SLC4A10: variants seen among roughly 807,000 people sequenced by gnomAD.
SLC4A10 encodes the protein solute carrier family 4 member 10, also known as sodium-driven chloride bicarbonate exchanger.
A neutral mutation model predicts 137.7 loss-of-function variants in SLC4A10; 42 were observed. The ratio of observed to expected loss-of-function variants is 0.30; its 90% CI spans 0.24 to 0.39. The LOEUF is 0.39. Among genes scored for constraint, SLC4A10 ranks in the 10% least tolerant of loss-of-function variants. SLC4A10 has a pLI of 1.00. For missense variants in SLC4A10, 925 were observed against 1,355.0 expected (o/e 0.68, Z 4.98); for synonymous variants, 474 against 464.1 (o/e 1.02, Z -0.27).
At chr2:161,909,559 TG>T (rs1388196252) in intron 15 of SLC4A10, among the ~76,000 whole-genome samples, 1 of 152,104 alleles carries the variant, frequency 6.6e-6, no homozygotes, top group Non-Finnish European at 1.5e-5. Flanking sequence ...TCATGGGAAA[TG>T]GGGTCTGACT....
At position 161,879,328 on chromosome 2, in the gene SLC4A10, C is replaced by T. The variant is rs763165211; in HGVS notation, c.1106+40C>T. On this transcript the variant is annotated intron_variant, in intron 9 of 26. Coordinates refer to ENST00000446997, the MANE Select transcript of SLC4A10 (RefSeq NM_001178015.2). ...AGCGTCTTTTGTATTTTTCTTAAAC[C>T]ATCTTTTCATGGAAAGAAAATGAGG... 12 of 1,523,896 alleles carry T rather than the reference C, an allele frequency of 7.9e-6. No homozygotes were observed. The South Asian group carries it at 1.5e-4, about 20-fold the overall frequency. 94.4% of individuals were successfully genotyped at this position (1,523,896 alleles called of 1,614,324 possible).
intron 1 of SLC4A10, chr2:161,710,478 T>A (rs1036582863): frequency 4.5e-6 from 1 of 223,884 alleles, no homozygotes; most frequent in Non-Finnish European, 9.2e-6. Context: ...TGGAAAAAAA[T>A]TACTATTTTA....
chr2:161,949,224 T>C lies in SLC4A10; in HGVS notation c.2342T>C (p.Ile781Thr). 1 of 1,611,560 alleles carries C rather than the reference T, an allele frequency of 6.2e-7. No individual in the cohort carries two copies. The highest frequency in any genetic ancestry group is 1.1e-5 in the South Asian group (1 of 90,922). Reference protein sequence around the residue: ...CMVLIDYAIGIPSPKLQVPSV... With the variant: ...CMVLIDYAIGTPSPKLQVPSV... ...GTTTTAATTGACTATGCCATTGGGA[T>C]CCCATCTCCAAAACTACAAGTACCA... Residue 781 changes from isoleucine to threonine, a missense_variant, in exon 18 of 27, where the codon ATC (isoleucine) becomes ACC (threonine). By Grantham distance (89) the Ile-to-Thr change is moderately conservative. This residue lies in a region of SLC4A10 where 82 missense variants were observed against 151.4 expected (regional missense o/e 0.54). Coordinates refer to ENST00000446997, the MANE Select transcript of SLC4A10 (RefSeq NM_001178015.2).
At chr2:161,649,025 G>A (rs773485811) in intron 1 of SLC4A10, among the ~76,000 whole-genome samples, 1 of 151,958 alleles carries the variant, frequency 6.6e-6, no homozygotes, top group Non-Finnish European at 1.5e-5. Context: ...CAATTTTTAT[G>A]CAGTTTTTGA....
Position 161,947,556 on chromosome 2 carries a change from C to T in SLC4A10, c.2104-10C>T, listed in dbSNP as rs966751477. The T allele has an allele frequency of 6.2e-7, 1 of 1,606,570 alleles. No individual in the cohort carries two copies. Among genetic ancestry groups the T allele is most frequent in the African/African-American group, 1.3e-5 (1 of 74,528 alleles). ...CTTAGTAGCTCCATTTGTTTTACTT[C>T]CTCTGGCAGGAATGCAAATCATTGC... On this transcript the variant is annotated splice_polypyrimidine_tract_variant and intron_variant, in intron 16 of 26. Coordinates refer to ENST00000446997, the MANE Select transcript of SLC4A10 (RefSeq NM_001178015.2).
At chr2:161,655,959 G>A (rs557079509) in intron 1 of SLC4A10, among the ~76,000 whole-genome samples, 40 of 151,606 alleles carry the variant, frequency 2.6e-4, no homozygotes, top group South Asian at 1.0e-3. Context: ...GATTACAGGC[G>A]TGTGCTACCA....
At chr2:161,811,328 C>T (rs1374269259) in intron 3 of SLC4A10, among the ~76,000 whole-genome samples, 10 of 151,872 alleles carry the variant, frequency 6.6e-5, no homozygotes. Context: ...TTTCATTTAT[C>T]TTTGTATGGA....
At chr2:161,639,436 G>A (rs2034961741) in intron 1 of SLC4A10, among the ~76,000 whole-genome samples, 1 of 151,936 alleles carries the variant, frequency 6.6e-6, no homozygotes, top group Non-Finnish European at 1.5e-5. Flanking sequence ...CAATCAAGTG[G>A]GATTTATTTC....
chr2:161,725,331 T>A (rs1011650275), intron 1 of SLC4A10, among the ~76,000 whole-genome samples: 1 of 152,204 alleles, frequency 6.6e-6, no homozygotes, highest in Non-Finnish European at 1.5e-5. Flanking sequence ...CCTCTTTAAG[T>A]CTCAGAATAC....
chr2:161,653,347 TC>T (rs1401399040), intron 1 of SLC4A10, among the ~76,000 whole-genome samples: 8 of 152,216 alleles, frequency 5.3e-5, no homozygotes, highest in African/African-American at 1.9e-4. Context: ...TGATTTATAA[TC>T]CTTTGGGTAT....
intron 1 of SLC4A10, among the ~76,000 whole-genome samples, chr2:161,638,850 T>C (rs1014281373): frequency 7.6e-6 from 1 of 132,046 alleles, no homozygotes; most frequent in African/African-American, 2.8e-5. Context: ...GTTAAATTTA[T>C]TTATAGGTAT....
intron 15 of SLC4A10, among the ~76,000 whole-genome samples, chr2:161,909,896 C>A (rs1685420257): frequency 6.6e-6 from 1 of 152,134 alleles, no homozygotes; most frequent in South Asian, 2.1e-4. Flanking sequence ...TTACTGTGAC[C>A]TTTTCACACT....
chr2:161,693,239 G>A (rs539888409), intron 1 of SLC4A10, among the ~76,000 whole-genome samples: 22 of 152,038 alleles, frequency 1.4e-4, no homozygotes, highest in African/African-American at 5.1e-4. Context: ...ATACAGTTTG[G>A]GTAAACCCTG....
chr2:161,682,493 G>A (rs1485457152), intron 1 of SLC4A10, among the ~76,000 whole-genome samples: 1 of 152,118 alleles, frequency 6.6e-6, no homozygotes, highest in Non-Finnish European at 1.5e-5. Flanking sequence ...AATTGTGATG[G>A]TGACATATAA....
intron 2 of SLC4A10, among the ~76,000 whole-genome samples, chr2:161,802,029 C>T (rs2055423600): frequency 6.6e-6 from 1 of 151,928 alleles, no homozygotes; most frequent in African/African-American, 2.4e-5. Flanking sequence ...ATTCACTTCC[C>T]TTTATTTCCT....
chr2:161,742,476 C>T (rs1316025787), intron 1 of SLC4A10, among the ~76,000 whole-genome samples: 2 of 133,468 alleles, frequency 1.5e-5, no homozygotes, highest in African/African-American at 3.0e-5. Flanking sequence ...GAGTCTCGCA[C>T]TGTCGCCCAG....
At chr2:161,667,765 T>C (rs10930030) in intron 1 of SLC4A10, among the ~76,000 whole-genome samples, 132,111 of 151,608 alleles carry the variant, frequency 0.87, 58,175 homozygotes, top group East Asian at 1. Context: ...TTGGACTTGT[T>C]TTCAGGTCCT....
At chr2:161,740,908 C>G (rs1455811168) in intron 1 of SLC4A10, among the ~76,000 whole-genome samples, 4 of 152,098 alleles carry the variant, frequency 2.6e-5, no homozygotes, top group Non-Finnish European at 4.4e-5. Context: ...TAGTGAAATG[C>G]TTACTACGGT....
In SLC4A10 at chr2:161,974,323, C is replaced by T. The variant is rs1286297258; in HGVS notation, c.3227+7C>T. On this transcript the variant is annotated splice_region_variant and intron_variant, in intron 24 of 26. Transcript: ENST00000446997. ...CATTGGAAGGGCACTATAGGTAAGA[C>T]ATAAATTTAAAAACACATCAATTAA... 6.3e-7 allele frequency: 1 copy of T among 1,593,852 alleles called. No homozygotes were observed. Among genetic ancestry groups the T allele is most frequent in the East Asian group, 2.2e-5 (1 of 44,542 alleles).
Sources: allele counts gnomAD v4.1 joint callset (sites outside exome capture counted in the v4.1 genomes callset), GRCh38; gene constraint gnomAD v4.1.1; regional missense constraint gnomAD v4.1.1; transcripts MANE v1.5; gene names NCBI Gene and HGNC (gene_info 2026-07-23, HGNC 2026-07-21).